KCNH5: variants seen among roughly 807,000 people sequenced by gnomAD.
KCNH5 encodes voltage-gated delayed rectifier potassium channel KCNH5.
KCNH5 carries 46 observed loss-of-function variants against 96.1 expected under a neutral mutation model. That is an observed-to-expected ratio of 0.48 (90% CI 0.38 to 0.61). The LOEUF is 0.61. Among genes scored for constraint, KCNH5 ranks in the 20% least tolerant of loss-of-function variants. The pLI is 0.00. For synonymous variants in KCNH5, 439 were observed against 449.8 expected (o/e 0.98, Z 0.30); for missense variants, 907 against 1,225.8 (o/e 0.74, Z 3.88).
chr14:62,993,813 G>A (rs1446738918), intron 4 of KCNH5, among the ~76,000 whole-genome samples: 1 of 151,968 alleles, frequency 6.6e-6, no homozygotes, highest in Admixed American at 6.6e-5. Context: ...GATCTAACTG[G>A]TGTGACTGAT....
intron 7 of KCNH5, among the ~76,000 whole-genome samples, chr14:62,853,668 G>T (rs1198412492): frequency 1.3e-5 from 2 of 151,184 alleles, no homozygotes; most frequent in Non-Finnish European, 2.9e-5. Flanking sequence ...TCTTCTCCAT[G>T]ATCCTCACTT....
rs939781774 is a variant in KCNH5, at chr14:62,792,967, G to A, written c.1822+9362C>T. Reference sequence around the variant, plus strand: ...TACAATGGAATATTATTCAGCCTTTGAAAAGAAGAAAATTCTGTCATTTGC... The same window carrying A: ...TACAATGGAATATTATTCAGCCTTTAAAAAGAAGAAAATTCTGTCATTTGC... On this transcript the variant is annotated intron_variant, in intron 9 of 10. Transcript: ENST00000322893. 7.2e-5 allele frequency among the ~76,000 whole-genome samples: 11 copies of A among 151,736 alleles called. No individual in the cohort carries two copies. In the East Asian group the frequency reaches 1.9e-3, roughly 27 times the overall value.
chr14:62,967,019 T>C (rs1890317739), intron 6 of KCNH5, among the ~76,000 whole-genome samples: 1 of 152,146 alleles, frequency 6.6e-6, no homozygotes. Flanking sequence ...GTTGTGTTGG[T>C]AATGTTTGGG....
At chr14:62,774,619 A>C (rs1886058630) in intron 10 of KCNH5, among the ~76,000 whole-genome samples, 2 of 152,272 alleles carry the variant, frequency 1.3e-5, no homozygotes, top group South Asian at 4.1e-4. Flanking sequence ...ACTTTCTTTG[A>C]TGTATACCTA....
chr14:62,744,402 A>G (rs1885333289), intron 10 of KCNH5, among the ~76,000 whole-genome samples: 1 of 152,212 alleles, frequency 6.6e-6, no homozygotes, highest in Non-Finnish European at 1.5e-5. Flanking sequence ...GTCAGATATT[A>G]TAATTATTCT....
At chr14:62,899,270 C>G (rs1055465829) in intron 7 of KCNH5, among the ~76,000 whole-genome samples, 2 of 151,944 alleles carry the variant, frequency 1.3e-5, no homozygotes, top group Non-Finnish European at 2.9e-5. Context: ...AAAAATAAAA[C>G]AATCCAAAAA....
chr14:62,708,667 G>A (rs1884498036), intron 10 of KCNH5, among the ~76,000 whole-genome samples: 1 of 152,116 alleles, frequency 6.6e-6, no homozygotes, highest in South Asian at 2.1e-4. Context: ...ACATAGAAAT[G>A]TTGGCTACTT....
chr14:62,990,122 A>G (rs1001596239), intron 4 of KCNH5, among the ~76,000 whole-genome samples: 9 of 152,086 alleles, frequency 5.9e-5, no homozygotes, highest in African/African-American at 2.2e-4. Context: ...TTTATCCAGA[A>G]AACATTTTGA....
chr14:63,030,253 A>G (rs1008105143), intron 1 of KCNH5, among the ~76,000 whole-genome samples: 1 of 152,152 alleles, frequency 6.6e-6, no homozygotes, highest in Non-Finnish European at 1.5e-5. Context: ...CAGACACACA[A>G]TATGGTCCTG....
intron 10 of KCNH5, among the ~76,000 whole-genome samples, chr14:62,761,072 C>T (rs190137240): frequency 2.0e-5 from 3 of 152,154 alleles, no homozygotes; most frequent in East Asian, 1.9e-4. Flanking sequence ...AGATTACGGT[C>T]GGCCAGGCAG....
intron 9 of KCNH5, among the ~76,000 whole-genome samples, chr14:62,796,526 G>A (rs778789371): frequency 1.3e-5 from 2 of 152,146 alleles, no homozygotes; most frequent in Non-Finnish European, 2.9e-5. Context: ...GAAAGACTTA[G>A]ATAGAGATTG....
intron 10 of KCNH5, among the ~76,000 whole-genome samples, chr14:62,722,400 A>G (rs1344828098): frequency 6.6e-6 from 1 of 152,196 alleles, no homozygotes; most frequent in Non-Finnish European, 1.5e-5. Flanking sequence ...AGATGAAAAA[A>G]AACCTGAGGC....
chr14:62,846,835 C>A (rs1212689065), intron 8 of KCNH5, among the ~76,000 whole-genome samples: 1 of 105,510 alleles, frequency 9.5e-6, no homozygotes, highest in African/African-American at 3.8e-5. Context: ...GAGTCTGGCT[C>A]TGCGGCCCAG....
intron 10 of KCNH5, among the ~76,000 whole-genome samples, chr14:62,738,567 G>T (rs1885207363): frequency 6.6e-6 from 1 of 152,060 alleles, no homozygotes; most frequent in African/African-American, 2.4e-5. Flanking sequence ...TGACCATTAT[G>T]ATTTACATAT....
At chr14:62,747,939 A>T (rs1372131191) in intron 10 of KCNH5, among the ~76,000 whole-genome samples, 1 of 152,192 alleles carries the variant, frequency 6.6e-6, no homozygotes, top group African/African-American at 2.4e-5. Flanking sequence ...AGGCAAGTGT[A>T]GAAGTGTTTA....
At chr14:62,931,233 A>C (rs1889575168) in intron 7 of KCNH5, among the ~76,000 whole-genome samples, 1 of 152,170 alleles carries the variant, frequency 6.6e-6, no homozygotes, top group Non-Finnish European at 1.5e-5. Context: ...CCTCTGATGG[A>C]TTTAGCAAGG....
At position 62,864,360 on chromosome 14, in the gene KCNH5, T is replaced by A. The variant is rs549091412; in HGVS notation, c.1370-14508A>T. ...GAATATCACTCTTCTCCAAACTGGTTTTCACATTCATCTGAATGAACATAA... is the reference window on the plus strand; with the variant it reads ...GAATATCACTCTTCTCCAAACTGGTATTCACATTCATCTGAATGAACATAA... On this transcript the variant is annotated intron_variant, in intron 7 of 10. Transcript: ENST00000322893. 3.9e-5 allele frequency among the ~76,000 whole-genome samples: 6 copies of A among 152,336 alleles called. 1 individual carries two copies. Among genetic ancestry groups the A allele is most frequent in the African/African-American group, 1.4e-4 (6 of 41,592 alleles).
At chr14:63,014,521 A>C (rs1010528974) in intron 2 of KCNH5, among the ~76,000 whole-genome samples, 25 of 152,144 alleles carry the variant, frequency 1.6e-4, no homozygotes, top group African/African-American at 6.0e-4. Context: ...TTTATAGGAA[A>C]AATTGTACTT....
intron 1 of KCNH5, among the ~76,000 whole-genome samples, chr14:63,032,631 TAGTTTCTTATCCAAATC>T (rs1891650506): frequency 6.6e-6 from 1 of 152,220 alleles, no homozygotes; most frequent in Non-Finnish European, 1.5e-5. Context: ...AAAGTTTACT[TAGTTTCTTATCCAAATC>T]AGTTTCTTAT....
Sources: allele counts gnomAD v4.1 joint callset (sites outside exome capture counted in the v4.1 genomes callset), GRCh38; gene constraint gnomAD v4.1.1; transcripts MANE v1.5; gene names NCBI Gene and HGNC (gene_info 2026-07-23, HGNC 2026-07-21).